Variants in TXLNG observed in about 807,000 individuals in gnomAD.
The protein encoded by TXLNG is gamma-taxilin.
In TXLNG, 5 loss-of-function variants were observed where a neutral mutation model predicts 38.8. The ratio of observed to expected loss-of-function variants is 0.13; its 90% CI spans 0.07 to 0.27. The LOEUF (loss-of-function observed/expected upper bound fraction) is 0.27, where lower values mean the gene tolerates loss of function less well. Ranked by LOEUF, TXLNG falls within the 10% of genes least tolerant of loss-of-function variation. The pLI, the probability that TXLNG is intolerant of heterozygous loss-of-function variation, is 1.00. For missense variants in TXLNG, 393 were observed against 398.2 expected (o/e 0.99, Z 0.11); for synonymous variants, 182 against 158.2 (o/e 1.15, Z -1.13).
At chrX:16,789,390 CTG>C (rs756652547) in intron 1 of TXLNG, among the ~76,000 whole-genome samples, 14 of 110,689 alleles carry the variant, frequency 1.3e-4, no homozygotes, top group South Asian at 3.8e-4. Context: ...TTTTCTAAAA[CTG>C]TGCTGATAGT....
intron 3 of TXLNG, among the ~76,000 whole-genome samples, chrX:16,826,578 T>C (rs895857704): frequency 4.5e-4 from 50 of 111,321 alleles, no homozygotes; most frequent in Non-Finnish European, 9.0e-4. Context: ...GATGACTGTT[T>C]CAGTATAGTA....
chrX:16,819,346 A>G lies in TXLNG; in HGVS notation c.406+469A>G, dbSNP rs1008683904. Among the ~76,000 whole-genome samples the G allele has an allele frequency of 2.7e-5, 3 of 111,489 alleles. No individual in the cohort carries two copies. In the Admixed American group the frequency reaches 2.9e-4, roughly 11 times the overall value. ...GAGAAGATTTCATTAATAAAATTTT[A>G]TGTGAGTAGAAAAGCATTCTTTTTT... On this transcript the variant is annotated intron_variant, in intron 2 of 9. Coordinates refer to ENST00000380122, the MANE Select transcript of TXLNG (RefSeq NM_018360.3).
At chrX:16,811,583 G>T (rs1928518761) in intron 1 of TXLNG, among the ~76,000 whole-genome samples, 1 of 104,781 alleles carries the variant, frequency 9.5e-6, no homozygotes, top group Non-Finnish European at 1.9e-5. Context: ...CTTGACCTTG[G>T]GTGATCTGCT....
At chrX:16,838,960 A>G (rs1211706551) in intron 8 of TXLNG, among the ~76,000 whole-genome samples, 2 of 111,727 alleles carry the variant, frequency 1.8e-5, no homozygotes, top group African/African-American at 6.5e-5. Flanking sequence ...TTTGTGGGTA[A>G]TTACCCAAGG....
At position 16,842,851 on chromosome X, in the gene TXLNG, C is replaced by G. The variant is rs1324361859; in HGVS notation, c.*1085C>G. On this transcript the variant is annotated 3_prime_UTR_variant, in exon 10 of 10. Coordinates refer to ENST00000380122, the MANE Select transcript of TXLNG (RefSeq NM_018360.3). ...GACTTGGCAGAGTGTTAGTCATGATCTGTTACTTACGTGTTCAGTCTGTTT... is the reference window on the plus strand; with the variant it reads ...GACTTGGCAGAGTGTTAGTCATGATGTGTTACTTACGTGTTCAGTCTGTTT... 1 of 112,024 alleles carries G rather than the reference C, an allele frequency of 8.9e-6. No individual in the cohort carries two copies. The highest frequency in any genetic ancestry group is 3.2e-5 in the African/African-American group (1 of 30,804). The allele number at this position is 112,024 out of a possible 1,213,427, so 9.2% of individuals were successfully genotyped here.
At chrX:16,787,930 G>C (rs2147454485) in intron 1 of TXLNG, among the ~76,000 whole-genome samples, 1 of 112,306 alleles carries the variant, frequency 8.9e-6, no homozygotes, top group South Asian at 3.7e-4. Flanking sequence ...TTTGGGGCCT[G>C]TTTCTAAGGT....
intron 1 of TXLNG, among the ~76,000 whole-genome samples, chrX:16,807,342 ATC>A (rs1340570246): frequency 8.9e-6 from 1 of 112,010 alleles, no homozygotes; most frequent in Non-Finnish European, 1.9e-5. Context: ...TGCGTCAGAG[ATC>A]TGTTTGACTT....
chrX:16,817,234 A>G (rs1928778484), intron 1 of TXLNG, among the ~76,000 whole-genome samples: 1 of 111,818 alleles, frequency 8.9e-6, no homozygotes, highest in Admixed American at 9.6e-5. Flanking sequence ...TTATTCTTGG[A>G]CTTTGGATAC....
At chrX:16,811,813 G>GCTTTT (rs1392940662) in intron 1 of TXLNG, among the ~76,000 whole-genome samples, 1 of 104,189 alleles carries the variant, frequency 9.6e-6, no homozygotes, top group South Asian at 4.4e-4. Flanking sequence ...TAATTTTTAT[G>GCTTTT]TTTTTAGTAG....
Position 16,844,002 on chromosome X carries a change from G to A in TXLNG, c.*2236G>A, listed in dbSNP as rs1929983979. 1 of 111,693 alleles carries A rather than the reference G, an allele frequency of 9.0e-6. No individual in the cohort carries two copies. Among genetic ancestry groups the A allele is most frequent in the South Asian group, 3.8e-4 (1 of 2,656 alleles). The allele number at this position is 111,693 out of a possible 1,213,427, so 9.2% of individuals were successfully genotyped here. A position where few individuals can be genotyped will look rare whatever the true frequency, so the allele number is the denominator to read the frequency against. ...CGTATCTACCATATTCTAGAACACT[G>A]TAATGCTACTAGGCTGGCCCAGAAA... is the stretch of plus-strand genomic sequence containing the variant. On this transcript the variant is annotated 3_prime_UTR_variant, in exon 10 of 10. Transcript: ENST00000380122.
intron 1 of TXLNG, among the ~76,000 whole-genome samples, chrX:16,807,709 CACA>C (rs920886288): frequency 3.6e-5 from 4 of 111,227 alleles, no homozygotes; most frequent in Non-Finnish European, 7.5e-5. Context: ...CAGAAATACA[CACA>C]ACTTTTCCCA....
At chrX:16,809,838 T>C (rs1191403406) in intron 1 of TXLNG, among the ~76,000 whole-genome samples, 3 of 112,131 alleles carry the variant, frequency 2.7e-5, no homozygotes, top group African/African-American at 9.7e-5. Context: ...ATACAGTACA[T>C]TCTGTTTTGT....
chrX:16,812,568 AT>A (rs1343327777), intron 1 of TXLNG, among the ~76,000 whole-genome samples: 10 of 97,456 alleles, frequency 1.0e-4, no homozygotes, highest in African/African-American at 3.5e-4. Flanking sequence ...TAATGTTTGT[AT>A]TTTTAGCAGA....
chrX:16,793,570 ACT>A lies in TXLNG; in HGVS notation c.102+6983_102+6984del, dbSNP rs755299087. 1.7e-4 allele frequency among the ~76,000 whole-genome samples: 19 copies of A among 108,599 alleles called. No homozygotes were observed. The South Asian group carries it at 5.2e-3, about 30-fold the overall frequency. The allele number at this position is 108,599 out of a possible 115,157, so 94.3% of individuals were successfully genotyped here. A position where few individuals can be genotyped will look rare whatever the true frequency, so the allele number is the denominator to read the frequency against. On this transcript the variant is annotated intron_variant, in intron 1 of 9. Coordinates refer to ENST00000380122, the MANE Select transcript of TXLNG (RefSeq NM_018360.3). ...AGAAAGATGTGCCAGTAGCTTAGAA[ACT>A]CATTTCTTTATGGGTCTTTTGGATT... is the stretch of plus-strand genomic sequence containing the variant.
chrX:16,821,177 G>A (rs1312235025), intron 3 of TXLNG, among the ~76,000 whole-genome samples: 5 of 81,195 alleles, frequency 6.2e-5, no homozygotes, highest in African/African-American at 2.1e-4. Flanking sequence ...GTCTCGCTCC[G>A]TCACCCAGGC....
chrX:16,828,403 C>G lies in TXLNG; in HGVS notation c.669+139C>G, dbSNP rs750204343. On this transcript the variant is annotated intron_variant, in intron 4 of 9. Coordinates refer to ENST00000380122, the MANE Select transcript of TXLNG (RefSeq NM_018360.3). ...GCTTTTTATTTTGCTTGGCCTGATG[C>G]CTTGTGTGAGGTCATTGTAAATGTA... The G allele has an allele frequency of 4.3e-5, 26 of 605,700 alleles. No individual in the cohort carries two copies. In the African/African-American group the frequency reaches 4.3e-4, roughly 10 times the overall value. 49.9% of individuals were successfully genotyped at this position (605,700 alleles called of 1,213,427 possible). A position where few individuals can be genotyped will look rare whatever the true frequency, so the allele number is the denominator to read the frequency against.
At chrX:16,830,867 GTGTGTGTGTGTGTGTGTGTA>G (rs1929380019) in intron 5 of TXLNG, among the ~76,000 whole-genome samples, 1 of 97,777 alleles carries the variant, frequency 1.0e-5, no homozygotes, top group African/African-American at 3.9e-5. Context: ...GTGTGTGTGT[GTGTGTGTGTGTGTGTGTGTA>G]TAGAGACAGT....
At position 16,834,132 on chromosome X, in the gene TXLNG, A is replaced by C. The variant is rs930244323; in HGVS notation, c.985-151A>C. The C allele has an allele frequency of 1.5e-5, 6 of 412,572 alleles. No homozygotes were observed. In the African/African-American group the frequency reaches 1.5e-4, roughly 10 times the overall value. 34.0% of individuals were successfully genotyped at this position (412,572 alleles called of 1,213,427 possible). On this transcript the variant is annotated intron_variant, in intron 6 of 9. Coordinates refer to ENST00000380122, the MANE Select transcript of TXLNG (RefSeq NM_018360.3). ...AACCAGTGGGACAGATAGAAGATAC[A>C]GGTAAATGGCAATTTGTGGAACAGA...
rs780325899 is a variant in TXLNG at position 16,842,373 on chromosome X, C to T, written c.*607C>T. ...GCAGAATATGTATATAAAGATGTCA[C>T]TTGTGGACAAAATAGTACATAGAGG... is the stretch of plus-strand genomic sequence containing the variant. On this transcript the variant is annotated 3_prime_UTR_variant, in exon 10 of 10. Coordinates refer to ENST00000380122, the MANE Select transcript of TXLNG (RefSeq NM_018360.3). 3 of 111,967 alleles carry T rather than the reference C, an allele frequency of 2.7e-5. No individual in the cohort carries two copies. In the East Asian group the frequency reaches 8.4e-4, roughly 31 times the overall value. 9.2% of individuals were successfully genotyped at this position (111,967 alleles called of 1,213,427 possible). A position where few individuals can be genotyped will look rare whatever the true frequency, so the allele number is the denominator to read the frequency against.
Sources: allele counts gnomAD v4.1 joint callset (sites outside exome capture counted in the v4.1 genomes callset), GRCh38; gene constraint gnomAD v4.1.1; transcripts MANE v1.5; gene names NCBI Gene and HGNC (gene_info 2026-07-23, HGNC 2026-07-21).